The following LUZP2 variants were observed in gnomAD, a reference collection of about 807,000 sequenced individuals.
LUZP2 encodes leucine zipper protein 2.
LUZP2 carries 52 observed loss-of-function variants against 51.6 expected under a neutral mutation model. The observed-to-expected ratio is 1.01, with a 90% CI of 0.81 to 1.27. The LOEUF (loss-of-function observed/expected upper bound fraction) is 1.27, where lower values mean the gene tolerates loss of function less well. Among genes scored for constraint, LUZP2 ranks in the 50% most tolerant of loss-of-function variants. The pLI is 0.00. For synonymous variants in LUZP2, 154 were observed against 137.3 expected, an observed-to-expected ratio of 1.12 and a Z score of -0.85; for missense variants, 436 against 395.4, an observed-to-expected ratio of 1.10 and a Z score of -0.87.
chr11:25,057,072 G>T (rs1370703219), intron 10 of LUZP2, among the ~76,000 whole-genome samples: 1 of 151,958 alleles, frequency 6.6e-6, no homozygotes, highest in African/African-American at 2.4e-5. Context: ...TGCACTTTGA[G>T]AAATTTTGTT....
At chr11:24,776,262 A>G (rs566760510) in intron 5 of LUZP2, among the ~76,000 whole-genome samples, 90 of 152,352 alleles carry the variant, frequency 5.9e-4, no homozygotes, top group African/African-American at 2.1e-3. Flanking sequence ...TTAATTAGAA[A>G]CAATAGCCTA....
chr11:24,601,885 T>TATATATATATGTGTATATGTATAC (rs1853653692), intron 1 of LUZP2, among the ~76,000 whole-genome samples: 2 of 29,378 alleles, frequency 6.8e-5, no homozygotes, highest in East Asian at 1.4e-3. Context: ...TACATGTATA[T>TATATATATATGTGTATATGTATAC]ATGTATATAT....
At chr11:24,863,387 G>C (rs574916619) in intron 5 of LUZP2, among the ~76,000 whole-genome samples, 1 of 152,192 alleles carries the variant, frequency 6.6e-6, no homozygotes, top group East Asian at 1.9e-4. Flanking sequence ...AAGAAAAAAA[G>C]TAGACATGCT....
intron 5 of LUZP2, among the ~76,000 whole-genome samples, chr11:24,879,669 G>C (rs896014260): frequency 1.3e-5 from 2 of 152,150 alleles, no homozygotes; most frequent in African/African-American, 4.8e-5. Context: ...CTAATGATAA[G>C]TGATGTTGAG....
chr11:24,613,259 G>A (rs1854178505), intron 1 of LUZP2, among the ~76,000 whole-genome samples: 1 of 152,086 alleles, frequency 6.6e-6, no homozygotes, highest in Non-Finnish European at 1.5e-5. Flanking sequence ...ATTTGACCAG[G>A]AAATGATGTT....
intron 7 of LUZP2, among the ~76,000 whole-genome samples, chr11:24,952,252 A>C (rs145248633): frequency 2.0e-5 from 3 of 151,702 alleles, no homozygotes; most frequent in Non-Finnish European, 4.4e-5. Context: ...AGTGTTTCTA[A>C]ATCATATTAT....
chr11:24,507,036 C>A (rs1327459395), intron 1 of LUZP2, among the ~76,000 whole-genome samples: 1 of 152,010 alleles, frequency 6.6e-6, no homozygotes, highest in Non-Finnish European at 1.5e-5. Flanking sequence ...CTAAAATATT[C>A]ATTAGTTTGA....
At chr11:24,737,222 A>G (rs1031835808) in intron 3 of LUZP2, among the ~76,000 whole-genome samples, 1 of 152,104 alleles carries the variant, frequency 6.6e-6, no homozygotes, top group South Asian at 2.1e-4. Flanking sequence ...TATGAGCACA[A>G]ACCTATAAGT....
At chr11:24,572,679 T>C (rs918779773) in intron 1 of LUZP2, among the ~76,000 whole-genome samples, 1 of 152,048 alleles carries the variant, frequency 6.6e-6, no homozygotes, top group African/African-American at 2.4e-5. Context: ...GACAGCTTGA[T>C]GTCTCTCTGC....
chr11:24,974,000 G>A (rs551018003), intron 7 of LUZP2, among the ~76,000 whole-genome samples: 1 of 151,980 alleles, frequency 6.6e-6, no homozygotes, highest in Non-Finnish European at 1.5e-5. Context: ...TTAATTTTCT[G>A]TCTTGGTGAT....
At chr11:24,697,307 T>C (rs1857279967) in intron 1 of LUZP2, among the ~76,000 whole-genome samples, 1 of 152,124 alleles carries the variant, frequency 6.6e-6, no homozygotes, top group African/African-American at 2.4e-5. Context: ...ATAGGCAAGT[T>C]AAGAGATCTA....
intron 7 of LUZP2, among the ~76,000 whole-genome samples, chr11:24,971,679 A>G (rs1855740495): frequency 6.6e-6 from 1 of 152,224 alleles, no homozygotes; most frequent in East Asian, 1.9e-4. Flanking sequence ...GCTACTCTGT[A>G]TGATTTAATC....
chr11:24,886,622 T>G (rs1329666332), intron 5 of LUZP2, among the ~76,000 whole-genome samples: 3 of 152,200 alleles, frequency 2.0e-5, no homozygotes, highest in Admixed American at 2.0e-4. Context: ...TTAGTCTGAT[T>G]TATTAAACTT....
intron 7 of LUZP2, among the ~76,000 whole-genome samples, chr11:24,934,752 T>C (rs1046645944): frequency 1.3e-5 from 2 of 152,152 alleles, no homozygotes; most frequent in Admixed American, 6.5e-5. Flanking sequence ...TGCTAATAGG[T>C]TATATGATGC....
intron 5 of LUZP2, among the ~76,000 whole-genome samples, chr11:24,870,069 T>A (rs1350537840): frequency 6.6e-6 from 1 of 152,164 alleles, no homozygotes; most frequent in East Asian, 1.9e-4. Context: ...ATAGAAGATC[T>A]AACCTGCCAA....
chr11:24,905,432 G>T (rs1351056915), intron 5 of LUZP2, among the ~76,000 whole-genome samples: 2 of 152,118 alleles, frequency 1.3e-5, no homozygotes, highest in African/African-American at 4.8e-5. Context: ...AGAGGCTGAG[G>T]CAGGAGAATA....
chr11:24,545,738 G>GT (rs1360782377), intron 1 of LUZP2, among the ~76,000 whole-genome samples: 1 of 151,594 alleles, frequency 6.6e-6, no homozygotes, highest in Non-Finnish European at 1.5e-5. Context: ...CAGCTTTGTT[G>GT]TTTTTGCTTA....
At chr11:24,747,373 A>C (rs912470217) in intron 4 of LUZP2, among the ~76,000 whole-genome samples, 1 of 152,122 alleles carries the variant, frequency 6.6e-6, no homozygotes, top group African/African-American at 2.4e-5. Context: ...CTGGGGGCTG[A>C]CTTCACAGAG....
At chr11:24,686,025 T>C (rs4316510) in intron 1 of LUZP2, among the ~76,000 whole-genome samples, 27,739 of 151,974 alleles carry the variant, frequency 0.18, 2,593 homozygotes, top group East Asian at 0.32. Flanking sequence ...GTTGTAATCA[T>C]TCCTCTCAAA....
Sources: gnomAD v4.1 joint callset for allele counts (sites outside exome capture counted in the v4.1 genomes callset) on GRCh38, gnomAD v4.1.1 for gene constraint, MANE v1.5 for transcripts, NCBI Gene and HGNC (gene_info 2026-07-23, HGNC 2026-07-21) for gene names.